Variants in CTNNA3 observed in about 807,000 individuals in gnomAD.
The protein encoded by CTNNA3 is catenin alpha 3.
CTNNA3 carries 76 observed loss-of-function variants against 95.7 expected under a neutral mutation model. The ratio of observed to expected loss-of-function variants is 0.79; its 90% CI spans 0.66 to 0.96. CTNNA3 has a LOEUF of 0.96. Among genes scored for constraint, CTNNA3 ranks in the 40% least tolerant of loss-of-function variants. The probability of loss-of-function intolerance (pLI) is 0.00; values close to 1 mark genes in which losing one functional copy is unlikely to be tolerated. For missense variants in CTNNA3, 1,191 were observed against 1,089.8 expected, an observed-to-expected ratio of 1.09 and a Z score of -1.31; for synonymous variants, 431 against 374.4, an observed-to-expected ratio of 1.15 and a Z score of -1.74.
intron 3 of CTNNA3, among the ~76,000 whole-genome samples, chr10:67,601,175 A>G (rs1425598003): frequency 6.6e-6 from 1 of 152,222 alleles, no homozygotes; most frequent in Non-Finnish European, 1.5e-5. Context: ...TCAATAAACC[A>G]TTTAAAACAT....
chr10:66,369,191 T>C (rs1009082544), intron 12 of CTNNA3, among the ~76,000 whole-genome samples: 2 of 152,152 alleles, frequency 1.3e-5, no homozygotes, highest in African/African-American at 4.8e-5. Flanking sequence ...ATACTTTCTT[T>C]TGTAATTGAT....
intron 7 of CTNNA3, among the ~76,000 whole-genome samples, chr10:66,812,080 C>G (rs764914025): frequency 5.9e-5 from 9 of 152,070 alleles, no homozygotes; most frequent in Non-Finnish European, 1.3e-4. Flanking sequence ...TTCTTTATCT[C>G]ACTGTAGTCA....
chr10:66,610,667 C>T (rs1419578884), intron 10 of CTNNA3, among the ~76,000 whole-genome samples: 1 of 152,084 alleles, frequency 6.6e-6, no homozygotes, highest in East Asian at 1.9e-4. Context: ...AATGCTCATA[C>T]ATTGTTGGTG....
intron 15 of CTNNA3, among the ~76,000 whole-genome samples, chr10:66,042,163 A>G: frequency 6.6e-6 from 1 of 152,358 alleles, no homozygotes; most frequent in African/African-American, 2.4e-5. Flanking sequence ...TCTTAGAGGT[A>G]GTAAACATCA....
chr10:66,104,753 C>G (rs529361975), intron 13 of CTNNA3, among the ~76,000 whole-genome samples: 2 of 152,306 alleles, frequency 1.3e-5, no homozygotes, highest in Admixed American at 1.3e-4. Flanking sequence ...CTGCATCTTT[C>G]ATGCACATAT....
chr10:66,012,517 T>C (rs2079024084), intron 15 of CTNNA3, among the ~76,000 whole-genome samples: 1 of 152,130 alleles, frequency 6.6e-6, no homozygotes, highest in Non-Finnish European at 1.5e-5. Flanking sequence ...CATACATAAT[T>C]ATATTAAAAG....
intron 1 of CTNNA3, among the ~76,000 whole-genome samples, chr10:67,744,448 A>G (rs1308330298): frequency 3.3e-5 from 5 of 151,348 alleles, no homozygotes; most frequent in Admixed American, 2.6e-4. Flanking sequence ...CTGGCTAGCC[A>G]TATGTAGAAA....
chr10:66,453,045 C>G (rs910856035), intron 11 of CTNNA3, among the ~76,000 whole-genome samples: 10 of 140,508 alleles, frequency 7.1e-5, no homozygotes, highest in African/African-American at 2.8e-4. Flanking sequence ...GAAACCTTGT[C>G]TCTACTAAAA....
intron 11 of CTNNA3, among the ~76,000 whole-genome samples, chr10:66,503,872 G>T (rs915998233): frequency 6.6e-6 from 1 of 151,996 alleles, no homozygotes; most frequent in Admixed American, 6.6e-5. Flanking sequence ...TAGTAAGAAC[G>T]ATAGGCAGTT....
intron 13 of CTNNA3, among the ~76,000 whole-genome samples, chr10:66,220,491 T>G (rs2131977883): frequency 6.6e-6 from 1 of 152,282 alleles, no homozygotes; most frequent in South Asian, 2.1e-4. Context: ...CCCCTGGAGC[T>G]GAAGAGGGTG....
intron 5 of CTNNA3, among the ~76,000 whole-genome samples, chr10:67,300,313 C>T (rs934214686): frequency 6.6e-6 from 1 of 152,212 alleles, no homozygotes; most frequent in African/African-American, 2.4e-5. Flanking sequence ...CCATCACTGT[C>T]AAACCATCAT....
At chr10:66,222,615 A>AGAAAGAAAGAAG (rs2089009176) in intron 13 of CTNNA3, among the ~76,000 whole-genome samples, 2 of 68,692 alleles carry the variant, frequency 2.9e-5, no homozygotes, top group Non-Finnish European at 8.2e-5. Context: ...AAAGAAAGAA[A>AGAAAGAAAGAAG]GAAAGAAAAA....
At chr10:66,959,626 T>G (rs1849010196) in intron 7 of CTNNA3, among the ~76,000 whole-genome samples, 1 of 152,162 alleles carries the variant, frequency 6.6e-6, no homozygotes, top group Non-Finnish European at 1.5e-5. Context: ...TACTTTCAGG[T>G]CTAACATTCC....
chr10:67,174,266 CA>C (rs1418006221), intron 7 of CTNNA3, among the ~76,000 whole-genome samples: 1 of 152,132 alleles, frequency 6.6e-6, no homozygotes, highest in African/African-American at 2.4e-5. Context: ...AGGATTCTCA[CA>C]ATTAATTTTT....
chr10:66,557,315 G>C (rs1463480310), intron 10 of CTNNA3, among the ~76,000 whole-genome samples: 4 of 152,150 alleles, frequency 2.6e-5, no homozygotes, highest in African/African-American at 9.6e-5. Flanking sequence ...GCCCAATAAA[G>C]TTGTTGACTA....
At chr10:67,234,173 A>G (rs1589063358) in intron 5 of CTNNA3, among the ~76,000 whole-genome samples, 1 of 152,216 alleles carries the variant, frequency 6.6e-6, no homozygotes, top group African/African-American at 2.4e-5. Context: ...TGAGGCCAGC[A>G]TCATCCTGAT....
chr10:66,628,655 A>G (rs10997268), intron 9 of CTNNA3, among the ~76,000 whole-genome samples: 6,572 of 152,222 alleles, frequency 0.043, 351 homozygotes, highest in East Asian at 0.16. Context: ...GGCAGTTCAT[A>G]AAAGCTTGTG....
intron 11 of CTNNA3, among the ~76,000 whole-genome samples, chr10:66,383,934 C>G (rs1292219394): frequency 6.6e-6 from 1 of 152,150 alleles, no homozygotes; most frequent in Non-Finnish European, 1.5e-5. Context: ...CTTACAAGAG[C>G]TCCTGAAGGA....
chr10:66,868,153 TC>T (rs2132431611), intron 7 of CTNNA3, among the ~76,000 whole-genome samples: 1 of 145,686 alleles, frequency 6.9e-6, no homozygotes, highest in Admixed American at 6.9e-5. Flanking sequence ...GGTCAGGAGT[TC>T]AAGACCACCC....
Sources: gnomAD v4.1 joint callset for allele counts (sites outside exome capture counted in the v4.1 genomes callset) on GRCh38, gnomAD v4.1.1 for gene constraint, MANE v1.5 for transcripts, NCBI Gene and HGNC (gene_info 2026-07-23, HGNC 2026-07-21) for gene names.